FTO: variants seen among roughly 807,000 people sequenced by gnomAD.
FTO encodes alpha-ketoglutarate-dependent dioxygenase FTO.
FTO carries 47 observed loss-of-function variants against 63.9 expected under a neutral mutation model. That is an observed-to-expected ratio of 0.74 (90% CI 0.58 to 0.94). The LOEUF (loss-of-function observed/expected upper bound fraction) is 0.94, where lower values mean the gene tolerates loss of function less well. Among genes scored for constraint, FTO ranks in the 40% least tolerant of loss-of-function variants. The pLI is 0.00. For missense variants in FTO, 562 were observed against 618.1 expected, an observed-to-expected ratio of 0.91 and a Z score of 0.96; for synonymous variants, 207 against 224.4, an observed-to-expected ratio of 0.92 and a Z score of 0.69.
intron 5 of FTO, among the ~76,000 whole-genome samples, chr16:53,879,603 A>G (rs922049636): frequency 2.0e-5 from 3 of 151,288 alleles, no homozygotes; most frequent in East Asian, 1.9e-4. Context: ...GGAGGATTGC[A>G]TGAGCCCCAG....
intron 1 of FTO, among the ~76,000 whole-genome samples, chr16:53,736,546 A>T (rs866384544): frequency 2.0e-5 from 3 of 152,240 alleles, no homozygotes; most frequent in Middle Eastern, 3.4e-3. Flanking sequence ...GCCTCTGCTT[A>T]AGTTTAGGGT....
chr16:53,794,800 A>G (rs1296550493), intron 1 of FTO, among the ~76,000 whole-genome samples: 9 of 152,156 alleles, frequency 5.9e-5, no homozygotes, highest in Admixed American at 5.9e-4. Flanking sequence ...CAGAAACACT[A>G]TGGAGGGAAA....
intron 8 of FTO, among the ~76,000 whole-genome samples, chr16:54,018,429 CATACATA>C (rs1567520026): frequency 2.7e-5 from 4 of 145,932 alleles, no homozygotes; most frequent in East Asian, 4.2e-4. Context: ...TACATACATA[CATACATA>C]CATACATACA....
intron 8 of FTO, among the ~76,000 whole-genome samples, chr16:54,092,234 G>T (rs112356541): frequency 4.6e-5 from 7 of 152,212 alleles, no homozygotes; most frequent in African/African-American, 1.2e-4. Context: ...AGTGCACCAT[G>T]ATTGTGCCAC....
Position 53,826,386 on chromosome 16 carries a change from A to G in FTO, c.646A>G (p.Lys216Glu). 6.2e-7 allele frequency: 1 copy of G among 1,614,208 alleles called. No homozygotes were observed. ...GGATCCTCAGAAAATGCCATACCTG[A>G]AAGAGGAACCTTATTTTGGCATGGG... ...FMDPQKMPYL[K>E]EEPYFGMGKM... The change falls in exon 3 of 9, where the codon AAA (lysine) becomes GAA (glutamate). Residue 216 changes from lysine to glutamate, a missense_variant. By Grantham distance (56) the Lys-to-Glu change is moderately conservative. Transcript: ENST00000471389.
intron 7 of FTO, chr16:53,911,155 G>A (rs536383632): frequency 1.9e-6 from 1 of 527,808 alleles, no homozygotes; most frequent in East Asian, 3.0e-5. Context: ...GCCAGGCAGT[G>A]TTCTCTCATA....
chr16:53,997,782 A>C (rs1323689924), intron 8 of FTO, among the ~76,000 whole-genome samples: 4 of 152,158 alleles, frequency 2.6e-5, no homozygotes, highest in African/African-American at 9.7e-5. Flanking sequence ...TATTTCAAAA[A>C]TATTTTATAA....
chr16:53,870,343 G>A (rs1040353895), intron 4 of FTO, among the ~76,000 whole-genome samples: 6 of 152,170 alleles, frequency 3.9e-5, no homozygotes, highest in African/African-American at 1.4e-4. Flanking sequence ...TCACAAAAGT[G>A]TGGGAGTTCC....
intron 1 of FTO, among the ~76,000 whole-genome samples, chr16:53,772,146 C>T (rs1005077417): frequency 9.2e-5 from 14 of 152,038 alleles, no homozygotes; most frequent in Admixed American, 8.5e-4. Context: ...ACAACAAAAA[C>T]AACTTCTTTG....
At chr16:53,997,689 A>T (rs183519809) in intron 8 of FTO, among the ~76,000 whole-genome samples, 1 of 111,324 alleles carries the variant, frequency 9.0e-6, no homozygotes, top group East Asian at 2.2e-4. Context: ...TATTTTTGCC[A>T]TATTTGATTT....
intron 8 of FTO, among the ~76,000 whole-genome samples, chr16:54,014,635 A>G (rs757937066): frequency 2.0e-5 from 3 of 152,138 alleles, no homozygotes; most frequent in Non-Finnish European, 2.9e-5. Flanking sequence ...GAGCTGCACC[A>G]TAAGGCAAAC....
chr16:54,002,904 G>A (rs1258934171), intron 8 of FTO, among the ~76,000 whole-genome samples: 2 of 152,182 alleles, frequency 1.3e-5, no homozygotes, highest in Non-Finnish European at 2.9e-5. Flanking sequence ...ACAGGCTTTT[G>A]TTGACTTTCC....
chr16:53,900,562 A>C (rs901644201), intron 7 of FTO, among the ~76,000 whole-genome samples: 5 of 150,520 alleles, frequency 3.3e-5, no homozygotes, highest in Non-Finnish European at 7.4e-5. Flanking sequence ...TAGTGACATC[A>C]GAAGTGCTCT....
intron 2 of FTO, among the ~76,000 whole-genome samples, chr16:53,815,210 ACAGGATGT>A (rs940373853): frequency 2.0e-5 from 3 of 152,090 alleles, no homozygotes; most frequent in African/African-American, 4.8e-5. Flanking sequence ...GCAAAGCGTG[ACAGGATGT>A]CACTTACATT....
At chr16:53,805,725 C>T (rs1477037940) in intron 1 of FTO, among the ~76,000 whole-genome samples, 4 of 152,174 alleles carry the variant, frequency 2.6e-5, no homozygotes, top group Non-Finnish European at 1.5e-5. Context: ...GCTGGGATTA[C>T]AGGTGTGAGC....
At chr16:53,908,180 A>G (rs1262956765) in intron 7 of FTO, among the ~76,000 whole-genome samples, 2 of 152,260 alleles carry the variant, frequency 1.3e-5, no homozygotes, top group African/African-American at 2.4e-5. Context: ...ATATGAGCCA[A>G]TTCCATGGGA....
intron 8 of FTO, chr16:53,981,164 C>A (rs2083533255): frequency 6.6e-6 from 1 of 152,008 alleles, no homozygotes; most frequent in Admixed American, 6.6e-5. Context: ...GTCCATACAA[C>A]AAGTTTAAAA....
intron 1 of FTO, among the ~76,000 whole-genome samples, chr16:53,807,429 G>A (rs1405234618): frequency 1.3e-5 from 2 of 152,190 alleles, no homozygotes; most frequent in African/African-American, 2.4e-5. Flanking sequence ...GAGAAGTGGT[G>A]GTTGTTACAA....
rs1158058405 is a variant in FTO at position 53,747,021 on chromosome 16, A to C, written c.45+42792A>C. 5.9e-5 allele frequency among the ~76,000 whole-genome samples: 9 copies of C among 152,322 alleles called. No homozygotes were observed. In the East Asian group the frequency reaches 1.7e-3, roughly 29 times the overall value. ...CTCTCATTCCATCCAATGTTGCTGC[A>C]AATGACAAAATTTCTTTCTTTTTAA... On this transcript the variant is annotated intron_variant, in intron 1 of 8. Transcript: ENST00000471389.
Sources: allele counts gnomAD v4.1 joint callset (sites outside exome capture counted in the v4.1 genomes callset), GRCh38; gene constraint gnomAD v4.1.1; transcripts MANE v1.5; gene names NCBI Gene and HGNC (gene_info 2026-07-23, HGNC 2026-07-21).